The following IPO8 variants were observed in gnomAD, a reference collection of about 807,000 sequenced individuals.
The protein encoded by IPO8 is importin 8, also known as importin-8.
A neutral mutation model predicts 141.2 loss-of-function variants in IPO8; 65 were observed. The observed-to-expected ratio is 0.46, with a 90% CI of 0.38 to 0.57. The LOEUF (loss-of-function observed/expected upper bound fraction) is 0.57. IPO8 is among the 20% of genes least tolerant of loss of function. IPO8 has a pLI of 0.00. For missense variants in IPO8, 980 were observed against 1,246.8 expected, an observed-to-expected ratio of 0.79 and a Z score of 3.22; for synonymous variants, 411 against 420.3, an observed-to-expected ratio of 0.98 and a Z score of 0.27.
At chr12:30,687,190 A>G (rs1004926843) in intron 2 of IPO8, among the ~76,000 whole-genome samples, 1 of 152,234 alleles carries the variant, frequency 6.6e-6, no homozygotes, top group African/African-American at 2.4e-5. Context: ...TGGGTGTCTT[A>G]GAGCATCCTT....
Position 30,665,739 on chromosome 12 carries a change from A to G in IPO8, c.1328T>C (p.Ile443Thr), listed in dbSNP as rs2052953752. The G allele has an allele frequency of 6.2e-7, 1 of 1,600,056 alleles. No individual in the cohort carries two copies. The highest frequency in any genetic ancestry group is 8.6e-7 in the Non-Finnish European group (1 of 1,167,550). ...ALHVIGSLAEILLKKSLFKDQ... is the reference protein window; with the variant it reads ...ALHVIGSLAETLLKKSLFKDQ... Reference sequence around the variant, plus strand: ...TTTGATTATCTTAACCTTCAGTAAAATCTCAGCTAGGGAACCAATCACATG... The same window carrying G: ...TTTGATTATCTTAACCTTCAGTAAAGTCTCAGCTAGGGAACCAATCACATG... Residue 443 changes from isoleucine (I) to threonine (T), a missense_variant, in exon 12 of 25, where the codon ATT becomes ACT. Coordinates refer to ENST00000256079, the MANE Select transcript of IPO8 (RefSeq NM_006390.4).
rs1048972773 is a variant in IPO8, at chr12:30,630,236, C to T, written c.*624G>A. 2 of 152,110 alleles carry T rather than the reference C, an allele frequency of 1.3e-5. No individual in the cohort carries two copies. Among genetic ancestry groups the T allele is most frequent in the Non-Finnish European group, 2.9e-5 (2 of 68,026 alleles). The allele number at this position is 152,110 out of a possible 1,614,324, so 9.4% of individuals were successfully genotyped here. ...ACTTCTTTAAAAAGCCACAAAACATCTTATGAAAAACCACAGCCAGTGCAT... is the reference window on the plus strand; with the variant it reads ...ACTTCTTTAAAAAGCCACAAAACATTTTATGAAAAACCACAGCCAGTGCAT... On this transcript the variant is annotated 3_prime_UTR_variant, in exon 25 of 25. Coordinates refer to ENST00000256079, the MANE Select transcript of IPO8 (RefSeq NM_006390.4).
At chr12:30,643,332 T>A (rs2052599199) in intron 20 of IPO8, among the ~76,000 whole-genome samples, 2 of 152,210 alleles carry the variant, frequency 1.3e-5, no homozygotes, top group Non-Finnish European at 2.9e-5. Flanking sequence ...ATCACTAATT[T>A]ACAGGAAATT....
intron 17 of IPO8, among the ~76,000 whole-genome samples, chr12:30,655,981 C>T (rs926812723): frequency 4.6e-5 from 7 of 152,200 alleles, no homozygotes; most frequent in African/African-American, 1.7e-4. Flanking sequence ...CAGCTTGTAA[C>T]ATCTAGCATT....
rs1370462834 is a variant in IPO8, at chr12:30,674,159, C to T, written c.825-85G>A. Reference sequence around the variant, plus strand: ...AATAATTTAAATATAGTCGCTTATTCAAAGATGGATTCTACTGGGACAGAA... The same window carrying T: ...AATAATTTAAATATAGTCGCTTATTTAAAGATGGATTCTACTGGGACAGAA... On this transcript the variant is annotated intron_variant, in intron 7 of 24. Transcript: ENST00000256079. 1.9e-5 allele frequency: 15 copies of T among 788,456 alleles called. No homozygotes were observed. The East Asian group carries it at 2.3e-4, about 12-fold the overall frequency. The allele number at this position is 788,456 out of a possible 1,614,324, so 48.8% of individuals were successfully genotyped here.
intron 20 of IPO8, among the ~76,000 whole-genome samples, chr12:30,642,940 C>G (rs2052594308): frequency 6.6e-6 from 1 of 152,054 alleles, no homozygotes; most frequent in South Asian, 2.1e-4. Flanking sequence ...AAATTTGGAT[C>G]TATACATTCA....
At chr12:30,675,674 AC>A (rs2053110511) in intron 6 of IPO8, among the ~76,000 whole-genome samples, 1 of 150,840 alleles carries the variant, frequency 6.6e-6, no homozygotes, top group African/African-American at 2.4e-5. Context: ...AAAAAAAAAA[AC>A]AAAAAAAACA....
In IPO8 at chr12:30,639,644, A is replaced by AT. The variant is rs2052550384; in HGVS notation, c.2359dup (p.Ile787AsnfsTer9). ...ATCAGGGTTGTAGTACAAGGCAGCA[A>AT]TTGCAACCTGAAGACACATAGTACG... On this transcript the variant is annotated frameshift_variant, in exon 21 of 25. Coordinates refer to ENST00000256079, the MANE Select transcript of IPO8 (RefSeq NM_006390.4). LOFTEE classifies it high-confidence loss of function. 4 of 1,614,020 alleles carry AT rather than the reference A, an allele frequency of 2.5e-6. No homozygotes were observed. Among genetic ancestry groups the AT allele is most frequent in the Non-Finnish European group, 3.4e-6 (4 of 1,180,018 alleles).
At chr12:30,648,386 A>T (rs886146289) in intron 20 of IPO8, among the ~76,000 whole-genome samples, 2 of 152,236 alleles carry the variant, frequency 1.3e-5, no homozygotes, top group Non-Finnish European at 2.9e-5. Context: ...CTATAGAGAC[A>T]AAGTCATAGT....
At chr12:30,676,614 A>G (rs1009118407) in intron 5 of IPO8, 27 bp from the exon 6 acceptor site, 4 of 1,506,454 alleles carry the variant, frequency 2.7e-6, no homozygotes, top group Admixed American at 3.3e-5. Flanking sequence ...CAACATGAAC[A>G]GTAATTCCTC....
intron 20 of IPO8, among the ~76,000 whole-genome samples, chr12:30,645,283 G>C (rs2052629333): frequency 6.6e-6 from 1 of 150,854 alleles, no homozygotes; most frequent in South Asian, 2.1e-4. Flanking sequence ...TGAAGCTCAA[G>C]AATCACTTGA....
intron 19 of IPO8, among the ~76,000 whole-genome samples, chr12:30,651,975 AG>A (rs1352654387): frequency 6.6e-6 from 1 of 152,128 alleles, no homozygotes; most frequent in Non-Finnish European, 1.5e-5. Flanking sequence ...AAAAGTAAAA[AG>A]TACAGATATA....
At chr12:30,685,900 CAAA>C (rs397849869) in intron 2 of IPO8, among the ~76,000 whole-genome samples, 9 of 88,016 alleles carry the variant, frequency 1.0e-4, no homozygotes, top group Admixed American at 6.8e-4. Context: ...AAGACTCTGT[CAAA>C]AAAAAAAAAA....
At chr12:30,681,448 T>A (rs888252593) in intron 4 of IPO8, among the ~76,000 whole-genome samples, 3 of 152,234 alleles carry the variant, frequency 2.0e-5, no homozygotes, top group Non-Finnish European at 4.4e-5. Flanking sequence ...TCATATTATA[T>A]CACTGTCTCA....
chr12:30,691,236 T>C (rs963792643), intron 1 of IPO8, among the ~76,000 whole-genome samples: 1 of 152,130 alleles, frequency 6.6e-6, no homozygotes, highest in African/African-American at 2.4e-5. Flanking sequence ...GAGAAGATAA[T>C]GTTACAAAGT....
In IPO8 at chr12:30,669,234, C is replaced by G; in HGVS notation, c.1093G>C (p.Asp365His). The G allele has an allele frequency of 6.3e-7, 1 of 1,595,154 alleles. No individual in the cohort carries two copies. The highest frequency in any genetic ancestry group is 8.5e-7 in the Non-Finnish European group (1 of 1,172,742). Residue 365 changes from aspartate (D) to histidine (H), a missense_variant, in exon 10 of 25, where the codon GAT (aspartate) becomes CAT (histidine). Around this residue, in one of 3 missense-constraint regions of IPO8, gnomAD observed 924 missense variants for 1,153.9 expected, o/e 0.80. Coordinates refer to ENST00000256079, the MANE Select transcript of IPO8 (RefSeq NM_006390.4). Reference sequence around the variant, plus strand: ...GGATCTTCTTGCCACAGCTCTTCATCCTCATCTTTATAACACATCACAGAA... The same window carrying G: ...GGATCTTCTTGCCACAGCTCTTCATGCTCATCTTTATAACACATCACAGAA... Reference protein sequence around the residue: ...IFSVMCYKDEDEELWQEDPYE... With the variant: ...IFSVMCYKDEHEELWQEDPYE...
chr12:30,694,302 TCAGG>T (rs2053317793), intron 1 of IPO8, among the ~76,000 whole-genome samples: 1 of 152,208 alleles, frequency 6.6e-6, no homozygotes, highest in African/African-American at 2.4e-5. Context: ...CATTTCTTTT[TCAGG>T]CACCAGTGCA....
chr12:30,654,842 G>A (rs1342419497), intron 17 of IPO8, among the ~76,000 whole-genome samples: 2 of 152,010 alleles, frequency 1.3e-5, no homozygotes, highest in Admixed American at 6.6e-5. Context: ...AGTCATCCTA[G>A]TACTGGGTAT....
chr12:30,665,086 AC>A, intron 13 of IPO8, 133 bp downstream of exon 13: 1 of 612,974 alleles, frequency 1.6e-6, no homozygotes, highest in Non-Finnish European at 2.9e-6. Flanking sequence ...AGCTGATGTG[AC>A]CATAGGCAGA....
Sources: gnomAD v4.1 joint callset for allele counts (sites outside exome capture counted in the v4.1 genomes callset) on GRCh38, gnomAD v4.1.1 for gene constraint, gnomAD v4.1.1 regional missense constraint, MANE v1.5 for transcripts, NCBI Gene and HGNC (gene_info 2026-07-23, HGNC 2026-07-21) for gene names.